BRPF1: variants seen among roughly 807,000 people sequenced by gnomAD.
BRPF1 encodes the protein peregrin.
Under a neutral mutation model 115.0 loss-of-function variants are expected in BRPF1, and 15 were observed. That is an observed-to-expected ratio of 0.13 (90% CI 0.09 to 0.20). The LOEUF is 0.20. Ranked by LOEUF, BRPF1 falls within the 10% of genes least tolerant of loss-of-function variation. BRPF1 has a pLI of 1.00. For synonymous variants in BRPF1, 647 were observed against 619.8 expected (o/e 1.04, Z -0.65); for missense variants, 1,118 against 1,638.3 (o/e 0.68, Z 5.48).
intron 4 of BRPF1, 146 bp from the exon 5 acceptor site, chr3:9,741,162 C>A: frequency 1.8e-6 from 2 of 1,110,288 alleles, no homozygotes; most frequent in Non-Finnish European, 2.6e-6. Context: ...TTCTGCCAGG[C>A]CTTGGGGACA....
chr3:9,742,173 TAAG>T lies in BRPF1; in HGVS notation c.2001+5_2001+7del. 1 of 1,613,962 alleles carries T rather than the reference TAAG, an allele frequency of 6.2e-7. No individual in the cohort carries two copies. Among genetic ancestry groups the T allele is most frequent in the South Asian group, 1.1e-5 (1 of 91,066 alleles). ...TCTGAGGTAACCGAATTGGACGAAG[TAAG>T]AATCCCTTCCCCTCACTCCACCTTC... is the stretch of plus-strand genomic sequence containing the variant. On this transcript the variant is annotated splice_donor_5th_base_variant and intron_variant, in intron 6 of 13. Transcript: ENST00000383829.
chr3:9,736,307 A>G (rs989441024), intron 2 of BRPF1, among the ~76,000 whole-genome samples: 3 of 152,114 alleles, frequency 2.0e-5, no homozygotes, highest in African/African-American at 7.2e-5. Flanking sequence ...CGCCCGGCCT[A>G]AATCTCAGTT....
rs752031512 is a variant in BRPF1 at position 9,744,505 on chromosome 3, A to G, written c.2917A>G (p.Met973Val). 1.9e-5 allele frequency: 29 copies of G among 1,512,930 alleles called. No homozygotes were observed. The highest frequency in any genetic ancestry group is 4.0e-5 in the South Asian group (3 of 75,086). 93.7% of individuals were successfully genotyped at this position (1,512,930 alleles called of 1,614,324 possible). The change falls in exon 9 of 14, where the codon ATG becomes GTG. Residue 973 changes from methionine to valine, a missense_variant. Around this residue, in one of 10 missense-constraint regions of BRPF1, gnomAD observed 92 missense variants for 102.2 expected, o/e 0.90. Transcript: ENST00000383829. ...DSDKSTEDPP[M>V]DLPANGFSGG... Reference sequence around the variant, plus strand: ...TGATAAGTCCACAGAAGACCCCCCAATGGGTGAGCCTTACCATCACCCAGC... The same window carrying G: ...TGATAAGTCCACAGAAGACCCCCCAGTGGGTGAGCCTTACCATCACCCAGC...
chr3:9,733,592 G>T (rs954192584), intron 1 of BRPF1, among the ~76,000 whole-genome samples: 2 of 152,222 alleles, frequency 1.3e-5, no homozygotes, highest in Non-Finnish European at 2.9e-5. Context: ...ATTTGAGCTG[G>T]TTTTTTGAAG....
intron 13 of BRPF1, among the ~76,000 whole-genome samples, chr3:9,746,801 G>C (rs1425500507): frequency 2.0e-5 from 3 of 151,892 alleles, no homozygotes; most frequent in Non-Finnish European, 4.4e-5. Flanking sequence ...AAACATTCAG[G>C]CTCTGAATCC....
chr3:9,745,699 G>T lies in BRPF1; in HGVS notation c.3195G>T (p.Val1065=). 1 of 1,614,108 alleles carries T rather than the reference G, an allele frequency of 6.2e-7. No homozygotes were observed. Among genetic ancestry groups the T allele is most frequent in the Non-Finnish European group, 8.5e-7 (1 of 1,179,910 alleles). Residue 1065 remains valine, a synonymous_variant, in exon 11 of 14, where the codon GTG becomes GTT. Coordinates refer to ENST00000383829, the MANE Select transcript of BRPF1 (RefSeq NM_001003694.2). The surrounding 1 kb of genome is among the most constrained non-coding windows in gnomAD (Gnocchi z 5.1). ...EAYSVGTGRG[V]GHSMVRKSLG... is the part of the protein sequence containing the mutation. ...ACTCCGTGGGCACTGGCCGCGGCGTGGGCCACAGCAGTAAGTTCCCTTGCC... is the reference window on the plus strand; with the variant it reads ...ACTCCGTGGGCACTGGCCGCGGCGTTGGCCACAGCAGTAAGTTCCCTTGCC...
chr3:9,740,899 G>C lies in BRPF1; in HGVS notation c.1680G>C (p.Leu560=), dbSNP rs200132847. ...SRNGVPLLRR[L]QTHLQSQRNC... ...ATGGGGTCCCATTGCTACGTCGCCT[G>C]CAGACACACCTGCAATCTCAGAGGA... The change falls in exon 4 of 14, where the codon CTG becomes CTC. Residue 560 remains leucine (L), a synonymous_variant. Coordinates refer to ENST00000383829, the MANE Select transcript of BRPF1 (RefSeq NM_001003694.2). 1 of 1,613,722 alleles carries C rather than the reference G, an allele frequency of 6.2e-7. No individual in the cohort carries two copies. Among genetic ancestry groups the C allele is most frequent in the East Asian group, 2.2e-5 (1 of 44,894 alleles).
At chr3:9,738,961 T>A (rs755236897) in intron 2 of BRPF1, 38 bp from the exon 3 acceptor site, 1 of 1,518,738 alleles carries the variant, frequency 6.6e-7, no homozygotes, top group African/African-American at 1.4e-5. Flanking sequence ...GAGGGAAATC[T>A]CAACCATGTG....
chr3:9,747,053 C>A lies in BRPF1; in HGVS notation c.3480-113C>A. 2 of 1,183,812 alleles carry A rather than the reference C, an allele frequency of 1.7e-6. No homozygotes were observed. Among genetic ancestry groups the A allele is most frequent in the Non-Finnish European group, 2.5e-6 (2 of 810,332 alleles). The allele number at this position is 1,183,812 out of a possible 1,614,324, so 73.3% of individuals were successfully genotyped here. ...ACAGTCCTTTGAGGGCAGGGACCATCACAGAGTCTGGCCAGAGTGGGTGCT... is the reference window on the plus strand; with the variant it reads ...ACAGTCCTTTGAGGGCAGGGACCATAACAGAGTCTGGCCAGAGTGGGTGCT... On this transcript the variant is annotated intron_variant, in intron 13 of 13. Coordinates refer to ENST00000383829, the MANE Select transcript of BRPF1 (RefSeq NM_001003694.2). The surrounding 1 kb of genome is among the most constrained non-coding windows in gnomAD (Gnocchi z 5.6).
At position 9,734,546 on chromosome 3, in the gene BRPF1, AAGG is replaced by A; in HGVS notation, c.409_411del (p.Glu137del). On this transcript the variant is annotated inframe_deletion, in exon 2 of 14. Coordinates refer to ENST00000383829, the MANE Select transcript of BRPF1 (RefSeq NM_001003694.2). The surrounding 1 kb of genome is among the most constrained non-coding windows in gnomAD (Gnocchi z 5.7). ...GGAGGCCCCTGAGAATGGCAGCAAC[AAGG>A]AGAACACTGAGACACCAGCTGCTAC... The A allele has an allele frequency of 6.2e-7, 1 of 1,614,146 alleles. No individual in the cohort carries two copies.
Position 9,742,164 on chromosome 3 carries a change from T to A in BRPF1, c.1994T>A (p.Leu665Ter). The part of the protein sequence containing the change: ...EPVPLSEVTE[L>*]DEVPDYLDHI... ...GTCCCTCTGTCTGAGGTAACCGAAT[T>A]GGACGAAGTAAGAATCCCTTCCCCT... The change falls in exon 6 of 14, where the codon TTG (leucine) becomes TAG (stop). Residue 665 changes from leucine (L) to a stop codon, truncating the protein, a stop_gained. Transcript: ENST00000383829. LOFTEE classifies it high-confidence loss of function. The A allele has an allele frequency of 6.2e-7, 1 of 1,614,098 alleles. No homozygotes were observed. Among genetic ancestry groups the A allele is most frequent in the Non-Finnish European group, 8.5e-7 (1 of 1,180,002 alleles).
At chr3:9,735,723 C>T (rs1480962458) in intron 2 of BRPF1, among the ~76,000 whole-genome samples, 1 of 152,006 alleles carries the variant, frequency 6.6e-6, no homozygotes, top group Non-Finnish European at 1.5e-5. Context: ...TTAATTGTTT[C>T]TTTAACATGA....
chr3:9,743,050 T>A lies in BRPF1; in HGVS notation c.2108T>A (p.Phe703Tyr). The A allele has an allele frequency of 6.2e-7, 1 of 1,614,220 alleles. No individual in the cohort carries two copies. Among genetic ancestry groups the A allele is most frequent in the South Asian group, 1.1e-5 (1 of 91,084 alleles). The change falls in exon 7 of 14, where the codon TTC (phenylalanine) becomes TAC (tyrosine). Residue 703 changes from phenylalanine to tyrosine, a missense_variant. Phe to Tyr is a conservative substitution (Grantham distance 22, BLOSUM62 3). Around this residue, in one of 10 missense-constraint regions of BRPF1, gnomAD observed 178 missense variants for 303.7 expected, o/e 0.59. Transcript: ENST00000383829. This position sits in a 1 kb window ranked among gnomAD's most constrained non-coding sequence, Gnocchi z 6.1. ...AATTTTGATGATTTTGAGGAGGACT[T>A]CAACCTCATCGTCAGCAACTGCCTC... ...YLNFDDFEED[F>Y]NLIVSNCLKY...
In BRPF1 at chr3:9,743,546, G is replaced by T; in HGVS notation, c.2312-32G>T. 1 of 1,593,862 alleles carries T rather than the reference G, an allele frequency of 6.3e-7. No individual in the cohort carries two copies. The highest frequency in any genetic ancestry group is 8.6e-7 in the Non-Finnish European group (1 of 1,168,776). ...CAAGGGGCCCTGAGGGCTGCCCTGA[G>T]TCTGACCTTTCCCCTCCAACCCTAC... On this transcript the variant is annotated intron_variant, in intron 7 of 13. Transcript: ENST00000383829. This position sits in a 1 kb window ranked among gnomAD's most constrained non-coding sequence, Gnocchi z 6.1.
At position 9,747,084 on chromosome 3, in the gene BRPF1, G is replaced by T; in HGVS notation, c.3480-82G>T. On this transcript the variant is annotated intron_variant, in intron 13 of 13. Coordinates refer to ENST00000383829, the MANE Select transcript of BRPF1 (RefSeq NM_001003694.2). The surrounding 1 kb of genome is among the most constrained non-coding windows in gnomAD (Gnocchi z 5.6). ...GTCTGGCCAGAGTGGGTGCTTGGGTGGTGTGTTTGAGTGAATAGAGGAGGA... is the reference window on the plus strand; with the variant it reads ...GTCTGGCCAGAGTGGGTGCTTGGGTTGTGTGTTTGAGTGAATAGAGGAGGA... 2.7e-6 allele frequency: 4 copies of T among 1,486,494 alleles called. No individual in the cohort carries two copies. The highest frequency in any genetic ancestry group is 3.7e-6 in the Non-Finnish European group (4 of 1,077,178). The allele number at this position is 1,486,494 out of a possible 1,614,324, so 92.1% of individuals were successfully genotyped here.
chr3:9,747,408 A>ACTGTCCT lies in BRPF1; in HGVS notation c.*60_*66dup. 1 of 1,583,174 alleles carries ACTGTCCT rather than the reference A, an allele frequency of 6.3e-7. No individual in the cohort carries two copies. ...GTGACTTCTCTCCTCCCCTTTGCTC[A>ACTGTCCT]CTGTCCTGGAGTGGCACCGGCCTCT... On this transcript the variant is annotated 3_prime_UTR_variant, in exon 14 of 14. Coordinates refer to ENST00000383829, the MANE Select transcript of BRPF1 (RefSeq NM_001003694.2). The surrounding 1 kb of genome is among the most constrained non-coding windows in gnomAD (Gnocchi z 5.6).
chr3:9,741,028 A>C (rs1194189523), intron 4 of BRPF1, 87 bp downstream of exon 4: 1 of 1,413,182 alleles, frequency 7.1e-7, no homozygotes, highest in African/African-American at 1.4e-5. Flanking sequence ...CCAGTGTCAG[A>C]GGGCTTAGAC....
In BRPF1 at chr3:9,743,078, G is replaced by C. The variant is rs753801070; in HGVS notation, c.2136G>C (p.Lys712Asn). The C allele has an allele frequency of 1.9e-5, 31 of 1,614,126 alleles. No homozygotes were observed. The highest frequency in any genetic ancestry group is 2.5e-5 in the Non-Finnish European group (29 of 1,180,058). ...DFNLIVSNCLKYNAKDTIFYR... is the reference protein window; with the variant it reads ...DFNLIVSNCLNYNAKDTIFYR... ...ACCTCATCGTCAGCAACTGCCTCAA[G>C]TATAACGCCAAGGACACCATCTTCT... is the stretch of plus-strand genomic sequence containing the variant. Residue 712 changes from lysine to asparagine, a missense_variant, in exon 7 of 14, where the codon AAG (lysine) becomes AAC (asparagine). Around this residue, in one of 10 missense-constraint regions of BRPF1, gnomAD observed 178 missense variants for 303.7 expected, o/e 0.59. Transcript: ENST00000383829. The surrounding 1 kb of genome is among the most constrained non-coding windows in gnomAD (Gnocchi z 6.1).
Position 9,746,453 on chromosome 3 carries a change from T to TGGTA in BRPF1, c.3479_3479+3dup. On this transcript the variant is annotated stop_gained and frameshift_variant and splice_region_variant, in exon 13 of 14. Transcript: ENST00000383829. LOFTEE classifies it high-confidence loss of function. ...CCTCTTCTTTGACAACAAACGAACC[T>TGGTA]GGTAAGGAGGGGAGCATTTGGTGTG... 1 of 1,574,532 alleles carries TGGTA rather than the reference T, an allele frequency of 6.4e-7. No homozygotes were observed. The highest frequency in any genetic ancestry group is 8.7e-7 in the Non-Finnish European group (1 of 1,154,500).
Sources: gnomAD v4.1 joint callset for allele counts (sites outside exome capture counted in the v4.1 genomes callset) on GRCh38, gnomAD v4.1.1 for gene constraint, gnomAD v4.1.1 regional missense constraint, Gnocchi (gnomAD v3.1) non-coding constraint, MANE v1.5 for transcripts, NCBI Gene and HGNC (gene_info 2026-07-23, HGNC 2026-07-21) for gene names.